ZNF496: variants seen among roughly 807,000 people sequenced by gnomAD.
ZNF496 encodes the protein zinc finger protein 496.
A neutral mutation model predicts 58.9 loss-of-function variants in ZNF496; 11 were observed. That is an observed-to-expected ratio of 0.19 (90% CI 0.12 to 0.31). The LOEUF (loss-of-function observed/expected upper bound fraction) is 0.31. ZNF496 is among the 10% of genes least tolerant of loss of function. ZNF496 has a pLI of 1.00. For missense variants in ZNF496, 660 were observed against 783.0 expected, an observed-to-expected ratio of 0.84 and a Z score of 1.88; for synonymous variants, 338 against 318.2, an observed-to-expected ratio of 1.06 and a Z score of -0.66.
At chr1:247,321,593 G>GCACTGGGAAGAAACTAT (rs1401110142) in intron 6 of ZNF496, among the ~76,000 whole-genome samples, 1 of 152,168 alleles carries the variant, frequency 6.6e-6, no homozygotes, top group African/African-American at 2.4e-5. Flanking sequence ...GACTTTTAGT[G>GCACTGGGAAGAAACTAT]CACTGGGAAG....
At chr1:247,301,404 G>C in intron 9 of ZNF496, 128 bp from the exon 10 acceptor site, 1 of 1,268,016 alleles carries the variant, frequency 7.9e-7, no homozygotes, top group Non-Finnish European at 1.0e-6. Context: ...TCGGTGACCG[G>C]GGCGGCCTGG....
rs760533540 is a variant in ZNF496 at position 247,329,267 on chromosome 1, C to T, written c.312G>A (p.Ala104=). The change falls in exon 4 of 10, where the codon GCG becomes GCA. Residue 104 remains alanine, a synonymous_variant. Coordinates refer to ENST00000682384, the MANE Select transcript of ZNF496 (RefSeq NM_032752.3). The surrounding 1 kb of genome is among the most constrained non-coding windows in gnomAD (Gnocchi z 5.5). ...CCTGCTCTCCGCTCTCAGGCTCCTG[C>T]GCCCGCACCCAGCTCTGGATCTCCC... ...LPREIQSWVR[A]QEPESGEQAV... The T allele has an allele frequency of 1.1e-5, 17 of 1,613,554 alleles. No individual in the cohort carries two copies. The Admixed American group carries it at 1.2e-4, about 11-fold the overall frequency.
rs767147263 is a variant in ZNF496, at chr1:247,308,853, G to A, written c.893-265C>T. 1 of 427,570 alleles carries A rather than the reference G, an allele frequency of 2.3e-6. No homozygotes were observed. Among genetic ancestry groups the A allele is most frequent in the Non-Finnish European group, 4.4e-6 (1 of 228,996 alleles). The allele number at this position is 427,570 out of a possible 1,614,324, so 26.5% of individuals were successfully genotyped here. A position where few individuals can be genotyped will look rare whatever the true frequency, so the allele number is the denominator to read the frequency against. ...CTACTCCACCCACTCTATGGCCAGAGACAAGCACTTCCCCCAGCCCCATAT... is the reference window on the plus strand; with the variant it reads ...CTACTCCACCCACTCTATGGCCAGAAACAAGCACTTCCCCCAGCCCCATAT... On this transcript the variant is annotated intron_variant, in intron 8 of 9. Coordinates refer to ENST00000682384, the MANE Select transcript of ZNF496 (RefSeq NM_032752.3). The surrounding 1 kb of genome is among the most constrained non-coding windows in gnomAD (Gnocchi z 4.5).
intron 6 of ZNF496, among the ~76,000 whole-genome samples, chr1:247,321,124 C>T (rs1021008730): frequency 1.3e-5 from 2 of 151,388 alleles, no homozygotes; most frequent in African/African-American, 2.4e-5. Flanking sequence ...TGCGATGAGC[C>T]GAGATCGAGC....
At chr1:247,303,974 G>A (rs972230569) in intron 9 of ZNF496, 10 of 308,654 alleles carry the variant, frequency 3.2e-5, no homozygotes, top group South Asian at 2.3e-4. Flanking sequence ...GGACACCCTC[G>A]TCTGACGGCC....
chr1:247,327,250 G>A (rs751961410), intron 5 of ZNF496, among the ~76,000 whole-genome samples: 4 of 152,160 alleles, frequency 2.6e-5, no homozygotes, highest in Non-Finnish European at 5.9e-5. Context: ...TTTTAGTAGC[G>A]ATGGGGTTTC....
intron 9 of ZNF496, among the ~76,000 whole-genome samples, chr1:247,303,796 T>A (rs1659320292): frequency 1.3e-5 from 2 of 152,312 alleles, no homozygotes; most frequent in Non-Finnish European, 2.9e-5. Flanking sequence ...TTTGGAAAAT[T>A]CTGTCTATCC....
At chr1:247,301,332 T>C (rs1659229263) in intron 9 of ZNF496, 56 bp from the exon 10 acceptor site, 1 of 1,475,434 alleles carries the variant, frequency 6.8e-7, no homozygotes, top group African/African-American at 1.4e-5. Context: ...TCCCAGCCCC[T>C]ATGACCGCGG....
At chr1:247,327,386 T>C (rs1259380333) in intron 5 of ZNF496, among the ~76,000 whole-genome samples, 2 of 152,198 alleles carry the variant, frequency 1.3e-5, no homozygotes, top group Non-Finnish European at 2.9e-5. Context: ...TAAATGTCTA[T>C]CTGCAAACTT....
Position 247,308,905 on chromosome 1 carries a change from TC to T in ZNF496, c.893-318del. ...TATTCCCACTTTCTGTGGTGGGTTT[TC>T]TATAGTCATCACCACAGGCTCCTGC... On this transcript the variant is annotated intron_variant, in intron 8 of 9. Coordinates refer to ENST00000682384, the MANE Select transcript of ZNF496 (RefSeq NM_032752.3). This position sits in a 1 kb window ranked among gnomAD's most constrained non-coding sequence, Gnocchi z 4.5. 2.8e-6 allele frequency: 1 copy of T among 356,292 alleles called. No individual in the cohort carries two copies. Among genetic ancestry groups the T allele is most frequent in the Non-Finnish European group, 5.4e-6 (1 of 184,722 alleles). 22.1% of individuals were successfully genotyped at this position (356,292 alleles called of 1,614,324 possible).
chr1:247,326,272 A>C (rs1407026966), intron 5 of ZNF496, among the ~76,000 whole-genome samples: 4 of 152,142 alleles, frequency 2.6e-5, no homozygotes, highest in African/African-American at 7.2e-5. Context: ...CTTTTGGGGA[A>C]GATCTTCAAG....
intron 6 of ZNF496, among the ~76,000 whole-genome samples, chr1:247,315,343 C>T (rs1208581816): frequency 6.6e-6 from 1 of 152,072 alleles, no homozygotes; most frequent in Non-Finnish European, 1.5e-5. Context: ...AGTCTAACCC[C>T]ACCTGAGGGA....
At chr1:247,320,461 C>T (rs1659928126) in intron 6 of ZNF496, among the ~76,000 whole-genome samples, 1 of 152,134 alleles carries the variant, frequency 6.6e-6, no homozygotes, top group South Asian at 2.1e-4. Context: ...TCAGTGGTTG[C>T]CAGAGGCTGA....
intron 9 of ZNF496, among the ~76,000 whole-genome samples, chr1:247,302,460 GAC>G (rs1174468953): frequency 6.6e-5 from 8 of 120,756 alleles, no homozygotes; most frequent in Admixed American, 5.7e-4. Flanking sequence ...ATCAGATGAA[GAC>G]AGAGATTGTG....
rs1414259210 is a variant in ZNF496, at chr1:247,328,618, C to T, written c.574+65G>A. The stretch of plus-strand genomic sequence containing the variant: ...CCATCAGCTTAACAAAAACCACACC[C>T]AGTGCACAGTATGGGGTGTGCACTT... On this transcript the variant is annotated intron_variant, in intron 5 of 9. Coordinates refer to ENST00000682384, the MANE Select transcript of ZNF496 (RefSeq NM_032752.3). 4.9e-6 allele frequency: 7 copies of T among 1,425,588 alleles called. No homozygotes were observed. The Admixed American group carries it at 1.8e-4, about 36-fold the overall frequency. 88.3% of individuals were successfully genotyped at this position (1,425,588 alleles called of 1,614,324 possible).
chr1:247,327,985 T>C (rs149404448), intron 5 of ZNF496, among the ~76,000 whole-genome samples: 83 of 152,298 alleles, frequency 5.4e-4, no homozygotes, highest in African/African-American at 1.9e-3. Context: ...GTAGGTTGTA[T>C]CTCATTTAAT....
intron 6 of ZNF496, chr1:247,311,430 G>GACACAC (rs71820609): frequency 0.16 from 22,391 of 139,278 alleles, 2,077 homozygotes; most frequent in Middle Eastern, 0.26. Context: ...CACACACAGA[G>GACACAC]ACACACACAC....
intron 6 of ZNF496, chr1:247,310,877 C>T (rs1387952718): frequency 6.3e-6 from 1 of 159,082 alleles, no homozygotes; most frequent in Non-Finnish European, 1.4e-5. Context: ...AGCATTCTGC[C>T]CCTGGTTCCC....
In ZNF496 at chr1:247,309,722, T is replaced by C. The variant is rs533738801; in HGVS notation, c.869A>G (p.Glu290Gly). ...VPELQDLQGK[E>G]VPQVSYLDSP... The stretch of plus-strand genomic sequence containing the variant: ...ACCCAAGTAGGAGACCTGGGGCACT[T>C]CTTTGCCCTGGAGATCCTGCAACTC... Residue 290 changes from glutamate (E) to glycine (G), a missense_variant, in exon 8 of 10, where the codon GAA (glutamate) becomes GGA (glycine). Physicochemically the swap from Glu to Gly is moderately conservative, Grantham distance 98. Transcript: ENST00000682384. The surrounding 1 kb of genome is among the most constrained non-coding windows in gnomAD (Gnocchi z 4.3). The C allele has an allele frequency of 1.2e-6, 2 of 1,614,156 alleles. No homozygotes were observed. The highest frequency in any genetic ancestry group is 2.2e-5 in the South Asian group (2 of 91,082).
Sources: allele counts gnomAD v4.1 joint callset (sites outside exome capture counted in the v4.1 genomes callset), GRCh38; gene constraint gnomAD v4.1.1; non-coding constraint Gnocchi (gnomAD v3.1); transcripts MANE v1.5; gene names NCBI Gene and HGNC (gene_info 2026-07-23, HGNC 2026-07-21).